CRYGD: variants seen among roughly 807,000 people sequenced by gnomAD.
CRYGD encodes crystallin gamma D.
A neutral mutation model predicts 11.3 loss-of-function variants in CRYGD; 13 were observed. That is an observed-to-expected ratio of 1.15 (90% CI 0.75 to 1.83). The LOEUF (loss-of-function observed/expected upper bound fraction) is 1.83, where lower values mean the gene tolerates loss of function less well. Ranked by LOEUF, CRYGD falls within the 40% of genes most tolerant of loss-of-function variation. CRYGD has a pLI of 0.00. For synonymous variants in CRYGD, 77 were observed against 89.5 expected, an observed-to-expected ratio of 0.86 and a Z score of 0.79; for missense variants, 231 against 229.9, an observed-to-expected ratio of 1.00 and a Z score of -0.03.
chr2:208,123,812 T>C (rs908473430), intron 2 of CRYGD, among the ~76,000 whole-genome samples: 2 of 152,224 alleles, frequency 1.3e-5, no homozygotes, highest in Non-Finnish European at 2.9e-5. Context: ...TGGGTATTAG[T>C]GGTTTTTCTA....
In CRYGD at chr2:208,121,767, T is replaced by C. The variant is rs959507170; in HGVS notation, c.431A>G (p.Tyr144Cys). Reference protein sequence around the residue: ...YELSNYRGRQYLLMPGDYRRY... With the variant: ...YELSNYRGRQCLLMPGDYRRY... ...CCTATAGTCCCCTGGCATCAGCAGG[T>C]ACTGCCGTCCTCGGTAGTTGGACAG... The change falls in exon 3 of 3, where the codon TAC becomes TGC. Residue 144 changes from tyrosine (Y) to cysteine (C), a missense_variant. By Grantham distance (194) the Tyr-to-Cys change is radical (BLOSUM62 -2). Coordinates refer to ENST00000264376, the MANE Select transcript of CRYGD (RefSeq NM_006891.4). The C allele has an allele frequency of 2.5e-6, 4 of 1,614,034 alleles. No individual in the cohort carries two copies. In the African/African-American group the frequency reaches 4.0e-5, roughly 16 times the overall value.
Position 208,124,214 on chromosome 2 carries a change from G to C in CRYGD, c.150C>G (p.Asn50Lys). 1.2e-6 allele frequency: 2 copies of C among 1,612,308 alleles called. No individual in the cohort carries two copies. Among genetic ancestry groups the C allele is most frequent in the Non-Finnish European group, 1.7e-6 (2 of 1,179,938 alleles). Reference protein sequence around the residue: ...SGCWMLYEQPNYSGLQYFLRR... With the variant: ...SGCWMLYEQPKYSGLQYFLRR... ...GCAGGAAGTACTGGAGGCCCGAGTA[G>C]TTGGGCTGCTCATAGAGCATCCAGC... is the stretch of plus-strand genomic sequence containing the variant. Residue 50 changes from asparagine (N) to lysine (K), a missense_variant, in exon 2 of 3, where the codon AAC becomes AAG. Asn to Lys is a moderately conservative substitution (Grantham distance 94). Coordinates refer to ENST00000264376, the MANE Select transcript of CRYGD (RefSeq NM_006891.4).
At chr2:208,122,065 T>G in intron 2 of CRYGD, 120 bp from the exon 3 acceptor site, 1 of 1,376,766 alleles carries the variant, frequency 7.3e-7, no homozygotes, top group Middle Eastern at 2.1e-4. Flanking sequence ...TGGTAAAATT[T>G]AATTAATTCT....
intron 2 of CRYGD, among the ~76,000 whole-genome samples, chr2:208,123,468 T>C (rs920585950): frequency 6.7e-6 from 1 of 148,996 alleles, no homozygotes; most frequent in Non-Finnish European, 1.5e-5. Context: ...ATTTAAAATA[T>C]ATTAAAATAT....
Position 208,124,242 on chromosome 2 carries a change from C to A in CRYGD, c.122G>T (p.Gly41Val), listed in dbSNP as rs770077407. ...GGGCTGCTCATAGAGCATCCAGCAGCCGCTGTCCACGCGCGCCGAGTTGCA... is the reference window on the plus strand; with the variant it reads ...GGGCTGCTCATAGAGCATCCAGCAGACGCTGTCCACGCGCGCCGAGTTGCA... ...SRCNSARVDS[G>V]CWMLYEQPNY... Residue 41 changes from glycine (G) to valine (V), a missense_variant, in exon 2 of 3, where the codon GGC (glycine) becomes GTC (valine). Coordinates refer to ENST00000264376, the MANE Select transcript of CRYGD (RefSeq NM_006891.4). 4.3e-6 allele frequency: 7 copies of A among 1,612,368 alleles called. No homozygotes were observed. The highest frequency in any genetic ancestry group is 1.3e-5 in the African/African-American group (1 of 74,904).
At chr2:208,122,480 T>A (rs1393415869) in intron 2 of CRYGD, among the ~76,000 whole-genome samples, 4 of 147,946 alleles carry the variant, frequency 2.7e-5, no homozygotes, top group Non-Finnish European at 6.0e-5. Context: ...TTATATTTTA[T>A]AAGTATAAAT....
At chr2:208,122,012 A>G in intron 2 of CRYGD, 67 bp from the exon 3 acceptor site, 1 of 1,609,180 alleles carries the variant, frequency 6.2e-7, no homozygotes, top group Non-Finnish European at 8.5e-7. Flanking sequence ...ATTGTTAGGC[A>G]GTCCAGCTTG....
At position 208,124,176 on chromosome 2, in the gene CRYGD, T is replaced by C. The variant is rs370450479; in HGVS notation, c.188A>G (p.Tyr63Cys). 88 of 1,611,524 alleles carry C rather than the reference T, an allele frequency of 5.5e-5. No homozygotes were observed. The highest frequency in any genetic ancestry group is 8.3e-5 in the Admixed American group (5 of 59,988). The change falls in exon 2 of 3, where the codon TAT becomes TGT. Residue 63 changes from tyrosine (Y) to cysteine (C), a missense_variant. Transcript: ENST00000264376. ...GLQYFLRRGD[Y>C]ADHQQWMGLS... Reference sequence around the variant, plus strand: ...GCCCATCCACTGCTGGTGGTCGGCATAGTCGCCGCGGCGCAGGAAGTACTG... The same window carrying C: ...GCCCATCCACTGCTGGTGGTCGGCACAGTCGCCGCGGCGCAGGAAGTACTG...
intron 2 of CRYGD, among the ~76,000 whole-genome samples, 167 bp from the exon 3 acceptor site, chr2:208,122,112 T>A (rs1187468915): frequency 6.6e-6 from 1 of 152,140 alleles, no homozygotes; most frequent in Non-Finnish European, 1.5e-5. Context: ...AGCACAGAGA[T>A]TCAGTACCTT....
At chr2:208,124,074 T>C in intron 2 of CRYGD, 38 bp downstream of exon 2, 1 of 1,611,468 alleles carries the variant, frequency 6.2e-7, no homozygotes, top group African/African-American at 1.3e-5. Flanking sequence ...CCAGTGAGTG[T>C]CCTGAGGGCC....
At chr2:208,123,261 T>C (rs963789429) in intron 2 of CRYGD, among the ~76,000 whole-genome samples, 2 of 146,848 alleles carry the variant, frequency 1.4e-5, no homozygotes, top group African/African-American at 4.9e-5. Flanking sequence ...ATTCATTAAA[T>C]ATATTTAATG....
At chr2:208,124,026 A>G in intron 2 of CRYGD, 86 bp downstream of exon 2, 3 of 1,586,850 alleles carry the variant, frequency 1.9e-6, no homozygotes, top group Non-Finnish European at 2.6e-6. Context: ...ATTGTGACTG[A>G]TCACTACTTC....
intron 2 of CRYGD, 129 bp downstream of exon 2, chr2:208,123,983 C>A: frequency 7.3e-7 from 1 of 1,366,286 alleles, no homozygotes; most frequent in Non-Finnish European, 1.0e-6. Flanking sequence ...TTGACTTAAT[C>A]CACTATAGTT....
chr2:208,123,207 T>G (rs1694906043), intron 2 of CRYGD, among the ~76,000 whole-genome samples: 1 of 147,128 alleles, frequency 6.8e-6, no homozygotes. Context: ...TATAAATATA[T>G]TAAATACATA....
At position 208,124,454 on chromosome 2, in the gene CRYGD, G is replaced by A. The variant is rs757107676; in HGVS notation, c.9+11C>T. On this transcript the variant is annotated intron_variant, in intron 1 of 2. Transcript: ENST00000264376. The stretch of plus-strand genomic sequence containing the variant: ...GAAGCTCCGGGGTCCCGGGGCGCAG[G>A]CTGGGCTCACCTTCCCCATGGCTGG... 6 of 1,578,898 alleles carry A rather than the reference G, an allele frequency of 3.8e-6. No homozygotes were observed. The South Asian group carries it at 6.9e-5, about 18-fold the overall frequency.
chr2:208,122,681 G>T (rs1415027970), intron 2 of CRYGD, among the ~76,000 whole-genome samples: 1 of 150,448 alleles, frequency 6.6e-6, no homozygotes, highest in Admixed American at 6.6e-5. Flanking sequence ...TGACGAATAT[G>T]GCGAAACCTT....
intron 2 of CRYGD, among the ~76,000 whole-genome samples, chr2:208,123,729 C>A (rs1488281055): frequency 6.6e-6 from 1 of 152,114 alleles, no homozygotes; most frequent in African/African-American, 2.4e-5. Flanking sequence ...GGAGCAAAAA[C>A]GGGAAAAAGT....
chr2:208,123,700 A>C (rs1406563862), intron 2 of CRYGD, among the ~76,000 whole-genome samples: 1 of 152,152 alleles, frequency 6.6e-6, no homozygotes, highest in Non-Finnish European at 1.5e-5. Flanking sequence ...GGTTGGGAAA[A>C]CCCAAAATAT....
In CRYGD at chr2:208,124,350, G is replaced by A; in HGVS notation, c.14C>T (p.Thr5Ile). The A allele has an allele frequency of 6.2e-7, 1 of 1,611,478 alleles. No individual in the cohort carries two copies. The highest frequency in any genetic ancestry group is 8.5e-7 in the Non-Finnish European group (1 of 1,179,374). MGKITLYEDRGFQGR... is the reference protein window; with the variant it reads MGKIILYEDRGFQGR... The stretch of plus-strand genomic sequence containing the variant: ...CTGGAAGCCCCGGTCCTCGTAGAGG[G>A]TGATCTGCAAGGCAAGGCGGGACAA... Residue 5 changes from threonine to isoleucine, a missense_variant, in exon 2 of 3, where the codon ACC becomes ATC. Transcript: ENST00000264376.
Sources: gnomAD v4.1 joint callset for allele counts (sites outside exome capture counted in the v4.1 genomes callset) on GRCh38, gnomAD v4.1.1 for gene constraint, MANE v1.5 for transcripts, NCBI Gene and HGNC (gene_info 2026-07-23, HGNC 2026-07-21) for gene names.